PCDH15: variants seen among roughly 807,000 people sequenced by gnomAD.
The protein encoded by PCDH15 is protocadherin-15.
PCDH15 carries 129 observed loss-of-function variants against 178.5 expected under a neutral mutation model. That is an observed-to-expected ratio of 0.72 (90% CI 0.63 to 0.84). The LOEUF is 0.84. Ranked by LOEUF, PCDH15 falls within the 40% of genes least tolerant of loss-of-function variation. The pLI, the probability that PCDH15 is intolerant of heterozygous loss-of-function variation, is 0.00. For missense variants in PCDH15, 2,230 were observed against 2,099.9 expected (o/e 1.06, Z -1.21); for synonymous variants, 800 against 732.0 (o/e 1.09, Z -1.50).
chr10:54,032,209 C>A (rs2135429874), intron 18 of PCDH15, among the ~76,000 whole-genome samples: 1 of 151,886 alleles, frequency 6.6e-6, no homozygotes, highest in Admixed American at 6.6e-5. Flanking sequence ...AAAATCTTCC[C>A]CTTATTTCCA....
chr10:54,739,923 A>G (rs1420343661), intron 1 of PCDH15, among the ~76,000 whole-genome samples: 1 of 152,040 alleles, frequency 6.6e-6, no homozygotes, highest in Non-Finnish European at 1.5e-5. Context: ...CTAAACTATA[A>G]AATAACTAGA....
chr10:55,096,780 C>T (rs1051914162), intron 2 of PCDH15, among the ~76,000 whole-genome samples: 1 of 151,980 alleles, frequency 6.6e-6, no homozygotes, highest in African/African-American at 2.4e-5. Context: ...TAACGTCCTC[C>T]AATTAATACA....
intron 2 of PCDH15, among the ~76,000 whole-genome samples, chr10:55,378,694 TA>T (rs1455523840): frequency 6.6e-6 from 1 of 152,134 alleles, no homozygotes; most frequent in Admixed American, 6.6e-5. Context: ...TTCTAGGGAA[TA>T]AATGAAAGCA....
rs1242230151 is a variant in PCDH15 at position 53,804,573 on chromosome 10, G to T, written c.*2006C>A. 6.6e-6 allele frequency: 1 copy of T among 151,930 alleles called. No homozygotes were observed. Among genetic ancestry groups the T allele is most frequent in the Non-Finnish European group, 1.5e-5 (1 of 67,914 alleles). The allele number at this position is 151,930 out of a possible 1,614,324, so 9.4% of individuals were successfully genotyped here. ...ACAACAGAATAAGTTAAATGTCACA[G>T]CCAGAAATCAAAGGACAAAAACGCA... On this transcript the variant is annotated 3_prime_UTR_variant, in exon 38 of 38. Transcript: ENST00000644397.
chr10:54,563,204 G>A (rs79262421), intron 2 of PCDH15, among the ~76,000 whole-genome samples: 3,008 of 152,116 alleles, frequency 0.02, 101 homozygotes, highest in African/African-American at 0.068. Flanking sequence ...AAATAAATAC[G>A]TCTATATTAT....
At chr10:53,852,007 A>T (rs1205727132) in intron 28 of PCDH15, among the ~76,000 whole-genome samples, 1 of 151,954 alleles carries the variant, frequency 6.6e-6, no homozygotes, top group Non-Finnish European at 1.5e-5. Flanking sequence ...ATAAGTTGTC[A>T]GTTCCGATTC....
At chr10:54,681,807 C>G (rs1288579969) in intron 1 of PCDH15, among the ~76,000 whole-genome samples, 1 of 151,976 alleles carries the variant, frequency 6.6e-6, no homozygotes, top group Non-Finnish European at 1.5e-5. Flanking sequence ...AGAGCTATTA[C>G]CAATGAAAAT....
At chr10:54,158,687 C>T (rs890376173) in intron 13 of PCDH15, among the ~76,000 whole-genome samples, 1 of 146,872 alleles carries the variant, frequency 6.8e-6, no homozygotes, top group Non-Finnish European at 1.5e-5. Context: ...TGAACAAAAA[C>T]ATTCAAATTG....
At chr10:55,277,762 A>G (rs1263402919) in intron 1 of PCDH15, among the ~76,000 whole-genome samples, 1 of 152,104 alleles carries the variant, frequency 6.6e-6, no homozygotes, top group Non-Finnish European at 1.5e-5. Context: ...TTATGCTGCT[A>G]CCATTAGCAG....
intron 8 of PCDH15, among the ~76,000 whole-genome samples, chr10:54,249,274 T>C (rs2056271039): frequency 6.6e-6 from 1 of 152,126 alleles, no homozygotes; most frequent in South Asian, 2.1e-4. Flanking sequence ...ATCAAAAACC[T>C]ATTTTTGCAA....
chr10:53,909,660 A>G (rs912338242), intron 25 of PCDH15, among the ~76,000 whole-genome samples: 3 of 152,184 alleles, frequency 2.0e-5, no homozygotes, highest in Non-Finnish European at 4.4e-5. Flanking sequence ...CTGGTTGGAC[A>G]GAGGGTGCAG....
At chr10:54,597,631 C>A (rs2092306141) in intron 2 of PCDH15, among the ~76,000 whole-genome samples, 1 of 151,826 alleles carries the variant, frequency 6.6e-6, no homozygotes, top group South Asian at 2.1e-4. Flanking sequence ...AAAAAATACA[C>A]CAAATCAGAG....
intron 2 of PCDH15, among the ~76,000 whole-genome samples, chr10:54,533,486 G>GA (rs954340863): frequency 2.0e-5 from 3 of 151,590 alleles, no homozygotes; most frequent in Admixed American, 1.3e-4. Context: ...GTAAAGTGAT[G>GA]AAAAAAAAGG....
rs1253526753 is a variant in PCDH15, at chr10:54,676,318, TA to T, written c.-28-12029del. On this transcript the variant is annotated intron_variant, in intron 1 of 37. Coordinates refer to ENST00000644397, the MANE Select transcript of PCDH15 (RefSeq NM_001384140.1). ...GCTGTTTTTATTTCTGTGACCCAAT[TA>T]AACTAATCTTTTCTCAAATTTCATC... Among the ~76,000 whole-genome samples the T allele has an allele frequency of 3.3e-5, 5 of 152,140 alleles. No homozygotes were observed. In the East Asian group the frequency reaches 9.7e-4, roughly 29 times the overall value.
chr10:55,058,347 A>G lies in PCDH15; in HGVS notation c.-80+108229T>C, dbSNP rs184485972. Among the ~76,000 whole-genome samples, 104 of 152,222 alleles carry G rather than the reference A, an allele frequency of 6.8e-4. 1 individual carries two copies. In the East Asian group the frequency reaches 0.014, roughly 20 times the overall value. On this transcript the variant is annotated intron_variant, in intron 2 of 5. Transcript: ENST00000458638. The stretch of plus-strand genomic sequence containing the variant: ...CACCTCAGCCTCCAGAATAGCTGAG[A>G]CAATAGGTGCACCCACAAAGCCTGA...
intron 3 of PCDH15, among the ~76,000 whole-genome samples, chr10:54,877,201 A>T (rs1954161071): frequency 6.6e-6 from 1 of 152,222 alleles, no homozygotes; most frequent in South Asian, 2.1e-4. Context: ...GTTGTGACAC[A>T]GTTAATAGAC....
At chr10:55,519,173 C>G (rs1243673953) in intron 2 of PCDH15, among the ~76,000 whole-genome samples, 1 of 149,728 alleles carries the variant, frequency 6.7e-6, no homozygotes, top group African/African-American at 2.5e-5. Context: ...CAGCTGCCCC[C>G]TCAGGTTTAT....
chr10:53,845,148 G>A (rs1794938430), intron 28 of PCDH15, among the ~76,000 whole-genome samples: 3 of 151,866 alleles, frequency 2.0e-5, no homozygotes, highest in Admixed American at 6.6e-5. Flanking sequence ...TCAAGGCAAT[G>A]AAAATCAAAA....
At chr10:55,476,221 G>T (rs1283253421) in intron 2 of PCDH15, among the ~76,000 whole-genome samples, 1 of 151,750 alleles carries the variant, frequency 6.6e-6, no homozygotes, top group Admixed American at 6.6e-5. Flanking sequence ...ACTTCAGAGG[G>T]CCCCGGGCAC....
Sources: allele counts gnomAD v4.1 joint callset (sites outside exome capture counted in the v4.1 genomes callset), GRCh38; gene constraint gnomAD v4.1.1; transcripts MANE v1.5; gene names NCBI Gene and HGNC (gene_info 2026-07-23, HGNC 2026-07-21).